ZFHX3: variants seen among roughly 807,000 people sequenced by gnomAD.
ZFHX3 encodes the protein zinc finger homeobox protein 3.
In ZFHX3, 42 loss-of-function variants were observed where a neutral mutation model predicts 279.1. The ratio of observed to expected loss-of-function variants is 0.15; its 90% CI spans 0.12 to 0.19. ZFHX3 has a LOEUF of 0.19. Ranked by LOEUF, ZFHX3 falls within the 10% of genes least tolerant of loss-of-function variation. ZFHX3 has a pLI of 1.00. For synonymous variants in ZFHX3, 2,293 were observed against 1,957.8 expected (o/e 1.17, Z -4.52); for missense variants, 4,981 against 4,754.0 (o/e 1.05, Z -1.40).
chr16:73,398,204 T>C (rs1226426038), intron 3 of ZFHX3, among the ~76,000 whole-genome samples: 2 of 151,840 alleles, frequency 1.3e-5, no homozygotes, highest in Non-Finnish European at 2.9e-5. Context: ...ACATGGAGAG[T>C]CGGGGGTTCA....
chr16:73,444,711 G>T (rs1241912934), intron 3 of ZFHX3, among the ~76,000 whole-genome samples: 1 of 152,176 alleles, frequency 6.6e-6, no homozygotes, highest in Non-Finnish European at 1.5e-5. Context: ...CAACTGATGG[G>T]GATGCAACTG....
chr16:73,038,225 C>T (rs540404426), intron 1 of ZFHX3, among the ~76,000 whole-genome samples: 2 of 152,294 alleles, frequency 1.3e-5, no homozygotes, highest in East Asian at 3.9e-4. Flanking sequence ...TATTGACTCC[C>T]CCACCCCCCC....
upstream of ZFHX3, among the ~76,000 whole-genome samples, chr16:73,052,123 G>A (rs761875586): frequency 3.1e-4 from 47 of 151,990 alleles, no homozygotes; most frequent in Non-Finnish European, 5.7e-4. Context: ...TTCTTGGAGG[G>A]GAAGCAGGTT....
At chr16:72,942,829 G>T (rs1053425287) in intron 3 of ZFHX3, among the ~76,000 whole-genome samples, 1 of 152,060 alleles carries the variant, frequency 6.6e-6, no homozygotes, top group African/African-American at 2.4e-5. Flanking sequence ...GTTTCTTCTG[G>T]AAACTCTCTC....
intron 5 of ZFHX3, among the ~76,000 whole-genome samples, chr16:73,215,610 C>T (rs2012176289): frequency 6.6e-6 from 1 of 152,166 alleles, no homozygotes; most frequent in South Asian, 2.1e-4. Context: ...TTGTTTCCTT[C>T]TGTTTGACAT....
chr16:73,762,571 C>T (rs776586412), intron 1 of ZFHX3, among the ~76,000 whole-genome samples: 3 of 152,160 alleles, frequency 2.0e-5, no homozygotes, highest in African/African-American at 4.8e-5. Flanking sequence ...GACATGGAAT[C>T]AACCCAAATA....
chr16:73,683,793 A>G (rs891776252), intron 1 of ZFHX3, among the ~76,000 whole-genome samples: 1 of 152,222 alleles, frequency 6.6e-6, no homozygotes, highest in Non-Finnish European at 1.5e-5. Flanking sequence ...TCATTGTTCT[A>G]GAAATGAATG....
At chr16:73,882,047 G>A (rs2030184811) in intron 1 of ZFHX3, among the ~76,000 whole-genome samples, 1 of 152,126 alleles carries the variant, frequency 6.6e-6, no homozygotes, top group Non-Finnish European at 1.5e-5. Flanking sequence ...AAAGCACTTT[G>A]AAGATGAAAA....
intron 4 of ZFHX3, among the ~76,000 whole-genome samples, chr16:73,266,400 C>T (rs914507182): frequency 6.6e-6 from 1 of 152,120 alleles, no homozygotes; most frequent in Non-Finnish European, 1.5e-5. Flanking sequence ...AACTTACATA[C>T]AAGATAACAT....
intron 4 of ZFHX3, among the ~76,000 whole-genome samples, chr16:72,856,603 T>C (rs1214023850): frequency 6.6e-6 from 1 of 152,206 alleles, no homozygotes; most frequent in Non-Finnish European, 1.5e-5. Flanking sequence ...GAGGTACGTG[T>C]AGGTCCAAGG....
rs1330824992 is a variant in ZFHX3 at position 73,211,437 on chromosome 16, C to G, written c.-1104+45610G>C. On this transcript the variant is annotated intron_variant, in intron 5 of 17. Coordinates refer to the ZFHX3 transcript ENST00000641206. ...AATGTATCAATTCAGATAAATTTATCCATTTTTTAAAAAAAGAGGCAAAGC... is the reference window on the plus strand; with the variant it reads ...AATGTATCAATTCAGATAAATTTATGCATTTTTTAAAAAAAGAGGCAAAGC... Among the ~76,000 whole-genome samples, 3 of 152,084 alleles carry G rather than the reference C, an allele frequency of 2.0e-5. No individual in the cohort carries two copies. The East Asian group carries it at 5.8e-4, about 29-fold the overall frequency.
intron 4 of ZFHX3, among the ~76,000 whole-genome samples, chr16:72,858,446 A>G (rs950280421): frequency 6.6e-6 from 1 of 152,180 alleles, no homozygotes; most frequent in Non-Finnish European, 1.5e-5. Flanking sequence ...TGTCCTTCAA[A>G]CAAAAGGATG....
At chr16:73,004,459 G>C (rs1296746941) in intron 1 of ZFHX3, among the ~76,000 whole-genome samples, 1 of 150,228 alleles carries the variant, frequency 6.7e-6, no homozygotes, top group African/African-American at 2.5e-5. Flanking sequence ...CTCCCAAGTA[G>C]CTGGGATTAC....
intron 1 of ZFHX3, among the ~76,000 whole-genome samples, chr16:73,792,135 G>A (rs535337104): frequency 6.6e-6 from 1 of 152,302 alleles, no homozygotes; most frequent in South Asian, 2.1e-4. Context: ...GCCCACAGAT[G>A]ATTTAAAATA....
intron 2 of ZFHX3, chr16:73,504,456 C>G (rs1379857816): frequency 1.3e-5 from 2 of 152,168 alleles, no homozygotes; most frequent in Admixed American, 6.5e-5. Flanking sequence ...TTCCATTTTC[C>G]TAGAACCAGC....
At chr16:73,047,307 C>G (rs1305596867) in intron 1 of ZFHX3, among the ~76,000 whole-genome samples, 1 of 152,112 alleles carries the variant, frequency 6.6e-6, no homozygotes, top group African/African-American at 2.4e-5. Flanking sequence ...AGATGATCTC[C>G]AAAGGTGCCC....
intron 1 of ZFHX3, among the ~76,000 whole-genome samples, chr16:73,735,901 T>TGTTGGTTTGTTTG (rs375304884): frequency 6.9e-6 from 1 of 145,952 alleles, no homozygotes; most frequent in Non-Finnish European, 1.5e-5. Context: ...GTTTTTTTTT[T>TGTTGGTTTGTTTG]TTTTTTTTTT....
At chr16:73,100,577 CTT>C (rs368465486) in intron 7 of ZFHX3, among the ~76,000 whole-genome samples, 8 of 143,542 alleles carry the variant, frequency 5.6e-5, no homozygotes, top group Admixed American at 7.0e-5. Context: ...GAATTCCCCT[CTT>C]TTTTTTTTTT....
intron 5 of ZFHX3, among the ~76,000 whole-genome samples, chr16:73,153,888 TA>T (rs1967010492): frequency 6.6e-6 from 1 of 151,984 alleles, no homozygotes; most frequent in Non-Finnish European, 1.5e-5. Context: ...CAGGCCTTAA[TA>T]ATTTAATTAT....
Sources: gnomAD v4.1 joint callset for allele counts (sites outside exome capture counted in the v4.1 genomes callset) on GRCh38, gnomAD v4.1.1 for gene constraint, MANE v1.5 for transcripts, NCBI Gene and HGNC (gene_info 2026-07-23, HGNC 2026-07-21) for gene names.